The following KCNAB1 variants were observed in gnomAD, a reference collection of about 807,000 sequenced individuals.
KCNAB1 encodes voltage-gated potassium channel subunit beta-1.
In KCNAB1, 35 loss-of-function variants were observed where a neutral mutation model predicts 64.6. The observed-to-expected ratio is 0.54, with a 90% confidence interval of 0.41 to 0.72. The LOEUF is 0.72. Ranked by LOEUF, KCNAB1 falls within the 30% of genes least tolerant of loss-of-function variation. The pLI is 0.00. For missense variants in KCNAB1, 401 were observed against 512.9 expected (o/e 0.78, Z 2.11); for synonymous variants, 177 against 183.8 (o/e 0.96, Z 0.30).
At chr3:156,119,131 T>C (rs951920304), upstream of KCNAB1, among the ~76,000 whole-genome samples, 4 of 152,188 alleles carry the variant, frequency 2.6e-5, no homozygotes, top group African/African-American at 9.7e-5. Context: ...GGCTGTTAAT[T>C]GGTTAATATT....
chr3:156,460,220 C>G (rs1236888635), intron 5 of KCNAB1: 1 of 219,556 alleles, frequency 4.6e-6, no homozygotes, highest in Non-Finnish European at 8.9e-6. Context: ...ATTATCCCCC[C>G]ACACACATGC....
At chr3:156,373,539 A>T (rs765946644) in intron 1 of KCNAB1, among the ~76,000 whole-genome samples, 1 of 152,258 alleles carries the variant, frequency 6.6e-6, no homozygotes. Flanking sequence ...AATGTTTATT[A>T]TCCTGTAAAT....
intron 1 of KCNAB1, among the ~76,000 whole-genome samples, chr3:156,407,238 C>T (rs1175163932): frequency 6.6e-6 from 1 of 152,174 alleles, no homozygotes; most frequent in East Asian, 1.9e-4. Context: ...AACCTTGTCC[C>T]TACCTCAGGG....
At chr3:156,384,277 A>G (rs1712402882) in intron 1 of KCNAB1, among the ~76,000 whole-genome samples, 1 of 152,232 alleles carries the variant, frequency 6.6e-6, no homozygotes, top group Admixed American at 6.5e-5. Flanking sequence ...GATATTATGA[A>G]GTGACTAAGG....
intron 13 of KCNAB1, among the ~76,000 whole-genome samples, chr3:156,535,534 C>A (rs1005854308): frequency 6.6e-6 from 1 of 152,198 alleles, no homozygotes; most frequent in African/African-American, 2.4e-5. Flanking sequence ...CTAAGCTCCA[C>A]AGCTGCACTT....
intron 1 of KCNAB1, among the ~76,000 whole-genome samples, chr3:156,335,771 T>G (rs1576740807): frequency 6.6e-6 from 1 of 151,596 alleles, no homozygotes; most frequent in East Asian, 2.0e-4. Context: ...AATAAATCAA[T>G]ATTGTGCTTA....
intron 8 of KCNAB1, among the ~76,000 whole-genome samples, chr3:156,475,225 T>C (rs1351203832): frequency 6.6e-6 from 1 of 152,210 alleles, no homozygotes; most frequent in Admixed American, 6.5e-5. Flanking sequence ...TTCCAGTCTG[T>C]GGTAGCAATG....
intron 1 of KCNAB1, among the ~76,000 whole-genome samples, chr3:156,371,174 CT>C (rs1726281004): frequency 1.3e-5 from 2 of 152,144 alleles, no homozygotes; most frequent in Non-Finnish European, 2.9e-5. Flanking sequence ...TTTTAGGTGT[CT>C]TTCCCCTACA....
intron 1 of KCNAB1, among the ~76,000 whole-genome samples, chr3:156,200,989 G>T (rs1396724799): frequency 6.6e-6 from 1 of 152,184 alleles, no homozygotes; most frequent in East Asian, 1.9e-4. Flanking sequence ...GTGGTCTGAG[G>T]CTTGCAAAAA....
chr3:156,400,120 A>C (rs550850740), intron 1 of KCNAB1, among the ~76,000 whole-genome samples: 2 of 152,078 alleles, frequency 1.3e-5, no homozygotes, highest in Non-Finnish European at 2.9e-5. Context: ...AACACTTCCT[A>C]GGGGGGAAAG....
intron 2 of KCNAB1, among the ~76,000 whole-genome samples, chr3:156,432,246 G>A (rs918565569): frequency 6.6e-6 from 1 of 152,204 alleles, no homozygotes; most frequent in African/African-American, 2.4e-5. Context: ...TCTATGGCAT[G>A]AGGTATGCTC....
At chr3:156,135,306 T>C (rs1160275102) in intron 1 of KCNAB1, among the ~76,000 whole-genome samples, 1 of 151,794 alleles carries the variant, frequency 6.6e-6, no homozygotes, top group African/African-American at 2.4e-5. Context: ...CTGGTTTAGC[T>C]TTTTTTTCCC....
At chr3:156,514,291 T>A (rs1717413406) in intron 8 of KCNAB1, 73 bp from the exon 9 acceptor site, 1 of 1,117,870 alleles carries the variant, frequency 8.9e-7, no homozygotes, top group Non-Finnish European at 1.4e-6. Flanking sequence ...AAGCTTTGGC[T>A]AGAGGAGTAA....
At chr3:156,400,768 C>A (rs1559866462) in intron 1 of KCNAB1, among the ~76,000 whole-genome samples, 1 of 152,164 alleles carries the variant, frequency 6.6e-6, no homozygotes, top group East Asian at 1.9e-4. Context: ...CTAGTGAACA[C>A]CTTCTCTCCA....
intron 1 of KCNAB1, among the ~76,000 whole-genome samples, chr3:156,224,409 G>C (rs924871171): frequency 6.6e-6 from 1 of 152,256 alleles, no homozygotes; most frequent in Non-Finnish European, 1.5e-5. Context: ...CTTCAAGCAC[G>C]GCCAGAGTGG....
rs1047345820 is a variant in KCNAB1, at chr3:156,278,991, G to T, written c.276-142625G>T. On this transcript the variant is annotated intron_variant, in intron 1 of 13. Transcript: ENST00000490337. The stretch of plus-strand genomic sequence containing the variant: ...TTTTTTATTTTTATTATACTTTTAA[G>T]TTTTAGGGTACATGTGCACATTGTG... Among the ~76,000 whole-genome samples, 4 of 151,260 alleles carry T rather than the reference G, an allele frequency of 2.6e-5. No homozygotes were observed. In the East Asian group the frequency reaches 7.9e-4, roughly 30 times the overall value.
At chr3:156,385,818 A>C (rs1712543790) in intron 1 of KCNAB1, among the ~76,000 whole-genome samples, 1 of 152,190 alleles carries the variant, frequency 6.6e-6, no homozygotes, top group African/African-American at 2.4e-5. Context: ...TAAAGTGAGC[A>C]CTTTCTATTT....
At chr3:156,512,006 T>G (rs1164189947) in intron 8 of KCNAB1, among the ~76,000 whole-genome samples, 1 of 152,218 alleles carries the variant, frequency 6.6e-6, no homozygotes, top group Non-Finnish European at 1.5e-5. Context: ...GATGGTTCCT[T>G]TTTTCTTTTT....
rs536120087 is a variant in KCNAB1 at position 156,482,266 on chromosome 3, A to C, written c.658+7446A>C. On this transcript the variant is annotated intron_variant, in intron 8 of 13. Coordinates refer to ENST00000490337, the MANE Select transcript of KCNAB1 (RefSeq NM_172160.3). Reference sequence around the variant, plus strand: ...ATTTTCAAAGATGTCTCTAGAAAAAAAAAACAACTCAATAATAGGATTAAC... The same window carrying C: ...ATTTTCAAAGATGTCTCTAGAAAAACAAAACAACTCAATAATAGGATTAAC... Among the ~76,000 whole-genome samples the C allele has an allele frequency of 3.7e-3, 566 of 152,216 alleles. 2 individuals carry two copies. Among genetic ancestry groups the C allele is most frequent in the Non-Finnish European group, 5.8e-3 (395 of 67,994 alleles).
Sources: gnomAD v4.1 joint callset for allele counts (sites outside exome capture counted in the v4.1 genomes callset) on GRCh38, gnomAD v4.1.1 for gene constraint, MANE v1.5 for transcripts, NCBI Gene and HGNC (gene_info 2026-07-23, HGNC 2026-07-21) for gene names.